Variants in NTNG2 observed in about 807,000 individuals in gnomAD.
NTNG2 encodes netrin G2, also known as netrin-G2.
Under a neutral mutation model 47.6 loss-of-function variants are expected in NTNG2, and 15 were observed. The ratio of observed to expected loss-of-function variants is 0.32; its 90% confidence interval spans 0.21 to 0.49. The LOEUF is 0.49. NTNG2 is among the 20% of genes least tolerant of loss of function. The probability of loss-of-function intolerance (pLI) is 0.99; values close to 1 mark genes in which losing one functional copy is unlikely to be tolerated. For missense variants in NTNG2, 578 were observed against 764.6 expected, an observed-to-expected ratio of 0.76 and a Z score of 2.88; for synonymous variants, 307 against 324.6, an observed-to-expected ratio of 0.95 and a Z score of 0.58.
intron 2 of NTNG2, among the ~76,000 whole-genome samples, chr9:132,178,331 C>T (rs1836643128): frequency 6.6e-6 from 1 of 152,194 alleles, no homozygotes; most frequent in African/African-American, 2.4e-5. Flanking sequence ...CCACCTCCGT[C>T]CCTCTCCCAC....
rs767869114 is a variant in NTNG2 at position 132,241,957 on chromosome 9, G to A, written c.1439G>A (p.Gly480Asp). Residue 480 changes from glycine to aspartate, a missense_variant, in exon 8 of 8, where the codon GGC (glycine) becomes GAC (aspartate). Transcript: ENST00000393229. ...AACCAGCGCTGCGCCTGCCCGCGCG[G>A]CTACACCGGCGTGCGCTGCGAGCAG... is the stretch of plus-strand genomic sequence containing the variant. The part of the protein sequence containing the change: ...LQNQRCACPR[G>D]YTGVRCEQPR... 3.9e-6 allele frequency: 6 copies of A among 1,549,250 alleles called. No homozygotes were observed. In the South Asian group the frequency reaches 4.7e-5, roughly 12 times the overall value.
intron 3 of NTNG2, among the ~76,000 whole-genome samples, chr9:132,223,631 C>T (rs992720910): frequency 3.3e-5 from 5 of 152,170 alleles, no homozygotes; most frequent in Non-Finnish European, 4.4e-5. Context: ...GATTGTGCCA[C>T]GGCACTCCAG....
chr9:132,197,564 G>T lies in NTNG2; in HGVS notation c.214-402G>T, dbSNP rs952436808. The stretch of plus-strand genomic sequence containing the variant: ...GGCTCAGAGGTACAACCAGGCAGGG[G>T]CAGGAGGACAGCTGTCCCGGGGAGG... On this transcript the variant is annotated intron_variant, in intron 2 of 7. Transcript: ENST00000393229. This position sits in a 1 kb window ranked among gnomAD's most constrained non-coding sequence, Gnocchi z 4.3. Among the ~76,000 whole-genome samples, 6 of 152,130 alleles carry T rather than the reference G, an allele frequency of 3.9e-5. No individual in the cohort carries two copies. Among genetic ancestry groups the T allele is most frequent in the African/African-American group, 1.4e-4 (6 of 41,420 alleles).
chr9:132,214,670 G>C (rs1055354119), intron 3 of NTNG2, among the ~76,000 whole-genome samples: 5 of 152,298 alleles, frequency 3.3e-5, no homozygotes, highest in Admixed American at 6.5e-5. Context: ...GAGAAGTCAG[G>C]GTCTGAGCAG....
intron 2 of NTNG2, among the ~76,000 whole-genome samples, chr9:132,185,110 C>T (rs1351265382): frequency 6.6e-6 from 1 of 152,114 alleles, no homozygotes; most frequent in African/African-American, 2.4e-5. Flanking sequence ...GGTGGAGGCC[C>T]CAACCAAGGC....
In NTNG2 at chr9:132,198,617, C is replaced by G. The variant is rs771529834; in HGVS notation, c.857+8C>G. The G allele has an allele frequency of 1.9e-6, 3 of 1,601,516 alleles. No homozygotes were observed. In the African/African-American group the frequency reaches 4.0e-5, roughly 21 times the overall value. ...CATCGAGGTCATCGGCAGGTAAGGC[C>G]GGGGGAAGCCCTGGATGTCACCTGC... On this transcript the variant is annotated splice_region_variant and intron_variant, in intron 3 of 7. Transcript: ENST00000393229.
chr9:132,200,164 T>C (rs1838634861), intron 3 of NTNG2, among the ~76,000 whole-genome samples: 1 of 152,200 alleles, frequency 6.6e-6, no homozygotes, highest in Non-Finnish European at 1.5e-5. Context: ...AAAAAGTGTT[T>C]AATAAAAAAA....
chr9:132,170,132 G>A lies in NTNG2; in HGVS notation c.213+3088G>A, dbSNP rs992305329. On this transcript the variant is annotated intron_variant, in intron 2 of 7. Coordinates refer to ENST00000393229, the MANE Select transcript of NTNG2 (RefSeq NM_032536.4). ...GCGCAAGCCCGGCTGCACTCCGAGGGTACAGGAGGGACCCAGGGGCGGACG... is the reference window on the plus strand; with the variant it reads ...GCGCAAGCCCGGCTGCACTCCGAGGATACAGGAGGGACCCAGGGGCGGACG... Among the ~76,000 whole-genome samples the A allele has an allele frequency of 5.9e-5, 9 of 152,324 alleles. No individual in the cohort carries two copies. In the East Asian group the frequency reaches 1.7e-3, roughly 29 times the overall value.
At chr9:132,238,615 T>C (rs1423322714) in intron 5 of NTNG2, among the ~76,000 whole-genome samples, 2 of 152,368 alleles carry the variant, frequency 1.3e-5, no homozygotes, top group East Asian at 3.9e-4. Context: ...CAGGAGCTCC[T>C]GGCCCATTGC....
In NTNG2 at chr9:132,231,598, C is replaced by G; in HGVS notation, c.1054+1003C>G. ...GTTGCTTCTCTGTGGTGTCCCCACC[C>G]CGGCAACCCCCCAACCCTCTCTTGC... On this transcript the variant is annotated intron_variant, in intron 5 of 7. Transcript: ENST00000393229. This position sits in a 1 kb window ranked among gnomAD's most constrained non-coding sequence, Gnocchi z 4.1. 1 of 303,590 alleles carries G rather than the reference C, an allele frequency of 3.3e-6. No homozygotes were observed. Among genetic ancestry groups the G allele is most frequent in the South Asian group, 2.4e-5 (1 of 41,134 alleles). The allele number at this position is 303,590 out of a possible 1,614,324, so 18.8% of individuals were successfully genotyped here.
chr9:132,226,837 G>C lies in NTNG2; in HGVS notation c.858-12G>C. ...GCTCTCTGACATCTCTGCCCTCTCG[G>C]TGTCTCCCCAGGTGCAAGTGCAACC... On this transcript the variant is annotated splice_polypyrimidine_tract_variant and intron_variant, in intron 3 of 7. Coordinates refer to ENST00000393229, the MANE Select transcript of NTNG2 (RefSeq NM_032536.4). This position sits in a 1 kb window ranked among gnomAD's most constrained non-coding sequence, Gnocchi z 4.8. 1 of 1,584,418 alleles carries C rather than the reference G, an allele frequency of 6.3e-7. No homozygotes were observed. The highest frequency in any genetic ancestry group is 8.6e-7 in the Non-Finnish European group (1 of 1,164,822).
intron 2 of NTNG2, among the ~76,000 whole-genome samples, chr9:132,169,681 A>T (rs1405954625): frequency 3.9e-5 from 6 of 152,246 alleles, no homozygotes; most frequent in Non-Finnish European, 1.5e-5. Context: ...TCTGCCCAGT[A>T]GAAACCATAA....
rs1258612962 is a variant in NTNG2, at chr9:132,180,510, G to A, written c.213+13466G>A. ...TGCCCACAGTTCTGGGGCTGGCACC[G>A]TCCTGGGGCTCAGCTCCTAGGGACG... On this transcript the variant is annotated intron_variant, in intron 2 of 7. Transcript: ENST00000393229. This position sits in a 1 kb window ranked among gnomAD's most constrained non-coding sequence, Gnocchi z 4.2. Among the ~76,000 whole-genome samples the A allele has an allele frequency of 1.3e-5, 2 of 152,236 alleles. No homozygotes were observed. The highest frequency in any genetic ancestry group is 2.1e-4 in the South Asian group (1 of 4,834).
rs73559276 is a variant in NTNG2, at chr9:132,163,073, G to A, written c.-484+834G>A. The stretch of plus-strand genomic sequence containing the variant: ...AGCCAGTTCCTGGGCGCCCTGCTCT[G>A]TGTCTTTTAATTAAGAGAGGCAGTG... On this transcript the variant is annotated intron_variant, in intron 1 of 7. Transcript: ENST00000393229. This position sits in a 1 kb window ranked among gnomAD's most constrained non-coding sequence, Gnocchi z 7.2. Among the ~76,000 whole-genome samples the A allele has an allele frequency of 5.3e-3, 801 of 152,330 alleles. 5 individuals carry two copies. Among genetic ancestry groups the A allele is most frequent in the African/African-American group, 0.018 (758 of 41,576 alleles).
chr9:132,220,236 A>G (rs937712193), intron 3 of NTNG2, among the ~76,000 whole-genome samples: 2 of 152,206 alleles, frequency 1.3e-5, no homozygotes, highest in Non-Finnish European at 2.9e-5. Context: ...TGTTCTAGAT[A>G]TAAGTTCCTT....
Position 132,241,278 on chromosome 9 carries a change from G to T in NTNG2, c.1357+234G>T, listed in dbSNP as rs1436936784. ...GGTGGGGCCTAGTGAGAGCGGGGCA[G>T]GGTTGGGATAGTTGGCAGGGGCCTG... On this transcript the variant is annotated intron_variant, in intron 7 of 7. Coordinates refer to ENST00000393229, the MANE Select transcript of NTNG2 (RefSeq NM_032536.4). Among the ~76,000 whole-genome samples, 4 of 151,724 alleles carry T rather than the reference G, an allele frequency of 2.6e-5. No individual in the cohort carries two copies. The East Asian group carries it at 7.8e-4, about 29-fold the overall frequency.
intron 2 of NTNG2, among the ~76,000 whole-genome samples, chr9:132,188,308 A>T (rs1418437604): frequency 6.6e-6 from 1 of 152,268 alleles, no homozygotes; most frequent in Non-Finnish European, 1.5e-5. Context: ...TTGGCAAATC[A>T]GCAACAGCAG....
intron 2 of NTNG2, among the ~76,000 whole-genome samples, chr9:132,184,582 G>T (rs910933380): frequency 6.6e-6 from 1 of 152,230 alleles, no homozygotes; most frequent in East Asian, 1.9e-4. Flanking sequence ...TGAAAGCTCC[G>T]CGGGGTGGAG....
rs1020734046 is a variant in NTNG2, at chr9:132,221,205, T to C, written c.858-5644T>C. On this transcript the variant is annotated intron_variant, in intron 3 of 7. Coordinates refer to ENST00000393229, the MANE Select transcript of NTNG2 (RefSeq NM_032536.4). This position sits in a 1 kb window ranked among gnomAD's most constrained non-coding sequence, Gnocchi z 4.2. ...AGAATCTGACACCACCTCTAAATATTAGCTCTAGGAGAAGGGGCAGAGCCT... is the reference window on the plus strand; with the variant it reads ...AGAATCTGACACCACCTCTAAATATCAGCTCTAGGAGAAGGGGCAGAGCCT... Among the ~76,000 whole-genome samples the C allele has an allele frequency of 2.0e-5, 3 of 152,228 alleles. No homozygotes were observed. The highest frequency in any genetic ancestry group is 6.5e-5 in the Admixed American group (1 of 15,288).
Sources: allele counts gnomAD v4.1 joint callset (sites outside exome capture counted in the v4.1 genomes callset), GRCh38; gene constraint gnomAD v4.1.1; non-coding constraint Gnocchi (gnomAD v3.1); transcripts MANE v1.5; gene names NCBI Gene and HGNC (gene_info 2026-07-23, HGNC 2026-07-21).